Variants in HPSE2 observed in about 807,000 individuals in gnomAD.
The protein encoded by HPSE2 is heparanase 2 (inactive).
A neutral mutation model predicts 60.5 loss-of-function variants in HPSE2; 38 were observed. The observed-to-expected ratio is 0.63, with a 90% confidence interval of 0.48 to 0.82. The LOEUF (loss-of-function observed/expected upper bound fraction) is 0.82. Among genes scored for constraint, HPSE2 ranks in the 40% least tolerant of loss-of-function variants. HPSE2 has a pLI of 0.00. For missense variants in HPSE2, 713 were observed against 740.4 expected (o/e 0.96, Z 0.43); for synonymous variants, 295 against 293.2 (o/e 1.01, Z -0.06).
At chr10:99,132,220 AGAGAGAGAG>A (rs1845456326) in intron 3 of HPSE2, among the ~76,000 whole-genome samples, 4 of 35,494 alleles carry the variant, frequency 1.1e-4, no homozygotes, top group African/African-American at 1.5e-4. Context: ...AGAGAGAGAG[AGAGAGAGAG>A]AGAGAGAGAG....
At chr10:99,123,294 T>A (rs1478536035) in intron 3 of HPSE2, among the ~76,000 whole-genome samples, 2 of 152,078 alleles carry the variant, frequency 1.3e-5, no homozygotes, top group Non-Finnish European at 2.9e-5. Flanking sequence ...AGGCATAGAA[T>A]ATGAAAAGGT....
At chr10:98,946,371 G>A (rs1458285293) in intron 3 of HPSE2, among the ~76,000 whole-genome samples, 1 of 151,596 alleles carries the variant, frequency 6.6e-6, no homozygotes, top group African/African-American at 2.4e-5. Context: ...TAATTGGGAG[G>A]CTGAGGCAGG....
chr10:99,232,548 GACGA>G, intron 1 of HPSE2, 43 bp from the exon 2 acceptor site: 1 of 1,546,602 alleles, frequency 6.5e-7, no homozygotes, highest in African/African-American at 1.4e-5. Flanking sequence ...CCCAGGACAG[GACGA>G]GAGCGCGTGG....
At chr10:98,681,544 A>G (rs1947788017) in intron 6 of HPSE2, among the ~76,000 whole-genome samples, 1 of 152,234 alleles carries the variant, frequency 6.6e-6, no homozygotes, top group Admixed American at 6.5e-5. Context: ...AATAGTCCAC[A>G]TTGTAACTAA....
intron 3 of HPSE2, among the ~76,000 whole-genome samples, chr10:99,045,490 G>GA (rs1304843657): frequency 6.6e-6 from 1 of 151,796 alleles, no homozygotes; most frequent in East Asian, 1.9e-4. Flanking sequence ...AATAATTACA[G>GA]AAGAACCAAA....
intron 9 of HPSE2, among the ~76,000 whole-genome samples, chr10:98,609,128 C>T (rs1169611259): frequency 1.3e-5 from 2 of 152,322 alleles, no homozygotes; most frequent in Non-Finnish European, 2.9e-5. Context: ...AAAGATTCAG[C>T]TCAGGCATTG....
chr10:98,729,423 C>G (rs1186925058), intron 4 of HPSE2, among the ~76,000 whole-genome samples: 1 of 152,032 alleles, frequency 6.6e-6, no homozygotes, highest in Admixed American at 6.6e-5. Context: ...TCCTGGCTAA[C>G]ACAGTGAAAC....
the HPSE2 span, among the ~76,000 whole-genome samples, chr10:99,259,529 A>C: frequency 6.6e-6 from 1 of 152,340 alleles, no homozygotes; most frequent in South Asian, 2.1e-4. Flanking sequence ...AATTGCACGA[A>C]AAGATGCTCA....
At chr10:98,937,756 G>A (rs1231273733) in intron 3 of HPSE2, among the ~76,000 whole-genome samples, 1 of 141,302 alleles carries the variant, frequency 7.1e-6, no homozygotes, top group East Asian at 2.0e-4. Context: ...GCACGCAGCT[G>A]GAGATCTGAG....
intron 7 of HPSE2, among the ~76,000 whole-genome samples, chr10:98,626,821 G>A (rs1277316179): frequency 6.6e-6 from 1 of 151,680 alleles, no homozygotes; most frequent in African/African-American, 2.4e-5. Context: ...TGCCCAGGCT[G>A]GAGTGCACTG....
At chr10:98,501,121 A>C (rs1942016211) in intron 9 of HPSE2, among the ~76,000 whole-genome samples, 1 of 152,120 alleles carries the variant, frequency 6.6e-6, no homozygotes, top group Admixed American at 6.5e-5. Flanking sequence ...CAGACACTCA[A>C]AGAATTGGTA....
At chr10:99,132,381 AT>A (rs1383647987) in intron 3 of HPSE2, among the ~76,000 whole-genome samples, 2 of 152,168 alleles carry the variant, frequency 1.3e-5, no homozygotes, top group Non-Finnish European at 2.9e-5. Flanking sequence ...ACTCTTTGAT[AT>A]TGATTCAAGA....
intron 9 of HPSE2, among the ~76,000 whole-genome samples, chr10:98,509,329 A>G (rs1942307577): frequency 6.6e-6 from 1 of 151,992 alleles, no homozygotes; most frequent in Non-Finnish European, 1.5e-5. Context: ...ACAACAAAAC[A>G]AAAACAGAAG....
intron 3 of HPSE2, among the ~76,000 whole-genome samples, chr10:98,890,645 A>G (rs1410819942): frequency 6.6e-6 from 1 of 152,196 alleles, no homozygotes; most frequent in Non-Finnish European, 1.5e-5. Context: ...AAAACGAACG[A>G]ACAAATGAAA....
intron 3 of HPSE2, among the ~76,000 whole-genome samples, chr10:98,863,414 G>T (rs1952507448): frequency 6.6e-6 from 1 of 152,126 alleles, no homozygotes; most frequent in Non-Finnish European, 1.5e-5. Flanking sequence ...GAATTGGGAA[G>T]CAGTTATAGA....
chr10:98,569,348 A>T (rs1036742163), intron 9 of HPSE2, among the ~76,000 whole-genome samples: 5 of 152,210 alleles, frequency 3.3e-5, no homozygotes, highest in Non-Finnish European at 7.3e-5. Context: ...GACGTGAGCC[A>T]CTGCGCCTGG....
At chr10:99,182,832 T>C (rs2133835639) in intron 2 of HPSE2, among the ~76,000 whole-genome samples, 1 of 151,920 alleles carries the variant, frequency 6.6e-6, no homozygotes, top group South Asian at 2.1e-4. Context: ...CTGTCTCTAC[T>C]AAAAATACAA....
intron 3 of HPSE2, among the ~76,000 whole-genome samples, chr10:99,134,055 G>A (rs1019508216): frequency 1.3e-5 from 2 of 152,160 alleles, no homozygotes; most frequent in Non-Finnish European, 2.9e-5. Context: ...GAAAAACACA[G>A]CACAAGAACT....
At chr10:98,589,509 C>G (rs1447442690) in intron 9 of HPSE2, among the ~76,000 whole-genome samples, 2 of 152,204 alleles carry the variant, frequency 1.3e-5, no homozygotes, top group Non-Finnish European at 2.9e-5. Flanking sequence ...TTGAAATCTT[C>G]CTCCTTTTAG....
Sources: gnomAD v4.1 joint callset for allele counts (sites outside exome capture counted in the v4.1 genomes callset) on GRCh38, gnomAD v4.1.1 for gene constraint, MANE v1.5 for transcripts, NCBI Gene and HGNC (gene_info 2026-07-23, HGNC 2026-07-21) for gene names.